Variants in SCUBE1 observed in about 807,000 individuals in gnomAD.
SCUBE1 encodes the protein signal peptide, CUB and EGF-like domain-containing protein 1.
SCUBE1 carries 59 observed loss-of-function variants against 124.4 expected under a neutral mutation model. The observed-to-expected ratio is 0.47, with a 90% CI of 0.38 to 0.59. The LOEUF is 0.59. Ranked by LOEUF, SCUBE1 falls within the 20% of genes least tolerant of loss-of-function variation. The pLI, the probability that SCUBE1 is intolerant of heterozygous loss-of-function variation, is 0.00. For synonymous variants in SCUBE1, 545 were observed against 550.9 expected (o/e 0.99, Z 0.15); for missense variants, 1,150 against 1,371.2 (o/e 0.84, Z 2.55).
At chr22:43,249,714 C>T (rs576807242) in intron 6 of SCUBE1, among the ~76,000 whole-genome samples, 1 of 152,334 alleles carries the variant, frequency 6.6e-6, no homozygotes, top group African/African-American at 2.4e-5. Flanking sequence ...GCTGTAGCCC[C>T]GTGAGCTGCA....
At chr22:43,301,167 C>G (rs937923016) in intron 3 of SCUBE1, among the ~76,000 whole-genome samples, 3 of 152,150 alleles carry the variant, frequency 2.0e-5, no homozygotes, top group Non-Finnish European at 1.5e-5. Flanking sequence ...AAATTCACCA[C>G]GAGTACAACA....
intron 6 of SCUBE1, among the ~76,000 whole-genome samples, chr22:43,251,806 T>C (rs898345992): frequency 6.6e-6 from 1 of 152,182 alleles, no homozygotes; most frequent in Non-Finnish European, 1.5e-5. Context: ...TGCGGGAATC[T>C]GTTAGCAGCA....
chr22:43,342,358 G>T (rs1401923984), intron 1 of SCUBE1, among the ~76,000 whole-genome samples: 2 of 151,882 alleles, frequency 1.3e-5, no homozygotes, highest in African/African-American at 4.8e-5. Flanking sequence ...TCCCGCGTCC[G>T]GACTCTCCTC....
intron 4 of SCUBE1, among the ~76,000 whole-genome samples, chr22:43,288,039 G>C (rs1925212683): frequency 6.6e-6 from 1 of 152,200 alleles, no homozygotes; most frequent in Non-Finnish European, 1.5e-5. Context: ...CTTGTCGTTC[G>C]AGAGCAATCT....
chr22:43,324,711 T>C (rs2146789655), intron 2 of SCUBE1, among the ~76,000 whole-genome samples: 1 of 151,602 alleles, frequency 6.6e-6, no homozygotes, highest in Admixed American at 6.6e-5. Flanking sequence ...CTCATCAGGC[T>C]CAGACCACTT....
intron 13 of SCUBE1, among the ~76,000 whole-genome samples, 163 bp from the exon 14 acceptor site, chr22:43,220,750 G>C (rs1922054929): frequency 6.6e-6 from 1 of 152,336 alleles, no homozygotes; most frequent in South Asian, 2.1e-4. Context: ...GGTCTCAGGA[G>C]GGGCTGGTGG....
In SCUBE1 at chr22:43,211,154, C is replaced by T; in HGVS notation, c.2222-71G>A. 6.8e-7 allele frequency: 1 copy of T among 1,477,056 alleles called. No homozygotes were observed. The highest frequency in any genetic ancestry group is 2.3e-4 in the Middle Eastern group (1 of 4,344). 91.5% of individuals were successfully genotyped at this position (1,477,056 alleles called of 1,614,324 possible). A position where few individuals can be genotyped will look rare whatever the true frequency, so the allele number is the denominator to read the frequency against. On this transcript the variant is annotated intron_variant, in intron 17 of 21. Transcript: ENST00000360835. The surrounding 1 kb of genome is among the most constrained non-coding windows in gnomAD (Gnocchi z 4.5). ...GGAAAGGGCAGCACTGGGGTGCTGT[C>T]CCCAGGACCTCTCATGCCCTCGAGG...
At chr22:43,225,299 G>C (rs1922258991) in intron 10 of SCUBE1, among the ~76,000 whole-genome samples, 1 of 152,028 alleles carries the variant, frequency 6.6e-6, no homozygotes, top group Non-Finnish European at 1.5e-5. Context: ...GCCACGTCTA[G>C]AGCTATGCTG....
At chr22:43,294,157 C>T (rs562156888) in intron 3 of SCUBE1, among the ~76,000 whole-genome samples, 1 of 152,354 alleles carries the variant, frequency 6.6e-6, no homozygotes, top group South Asian at 2.1e-4. Flanking sequence ...GAGGGGGCTG[C>T]CCCTCTGCAC....
intron 2 of SCUBE1, among the ~76,000 whole-genome samples, chr22:43,330,390 T>C (rs1271401350): frequency 2.0e-5 from 3 of 152,236 alleles, no homozygotes; most frequent in Non-Finnish European, 4.4e-5. Flanking sequence ...GAAGCCCTCC[T>C]GAATTTCTTC....
intron 5 of SCUBE1, among the ~76,000 whole-genome samples, chr22:43,261,697 T>C (rs76368069): frequency 0.028 from 4,223 of 152,320 alleles, 120 homozygotes; most frequent in East Asian, 0.14. Context: ...GACCACCTTC[T>C]CTATTGGGAG....
intron 19 of SCUBE1, among the ~76,000 whole-genome samples, chr22:43,209,524 C>T (rs944947102): frequency 6.6e-5 from 10 of 152,210 alleles, no homozygotes; most frequent in Non-Finnish European, 1.2e-4. Flanking sequence ...CCTAAAGTCT[C>T]AAGAGGAGCC....
At chr22:43,244,082 G>A (rs891823146) in intron 6 of SCUBE1, among the ~76,000 whole-genome samples, 1 of 152,162 alleles carries the variant, frequency 6.6e-6, no homozygotes, top group African/African-American at 2.4e-5. Flanking sequence ...ACAGTTTATG[G>A]AGTGGCGGGG....
rs1925340598 is a variant in SCUBE1, at chr22:43,291,075, T to C, written c.455A>G (p.Asn152Ser). 1.9e-6 allele frequency: 3 copies of C among 1,612,728 alleles called. No homozygotes were observed. Among genetic ancestry groups the C allele is most frequent in the Non-Finnish European group, 2.5e-6 (3 of 1,179,212 alleles). ...GGAGCGGTGGATGCAGGTATGCTGG[T>C]TGTCACTAAGGAAGAAGCCACTGTG... ...QCHSGFFLSD[N>S]QHTCIHRSNE... Residue 152 changes from asparagine (N) to serine (S), a missense_variant, in exon 4 of 22, where the codon AAC becomes AGC. Transcript: ENST00000360835.
At chr22:43,341,091 A>ACACACACACATGCATGCACGTGTG (rs1250146352) in intron 1 of SCUBE1, among the ~76,000 whole-genome samples, 21 of 152,098 alleles carry the variant, frequency 1.4e-4, no homozygotes, top group African/African-American at 4.8e-4. Context: ...GCACACACAC[A>ACACACACACATGCATGCACGTGTG]CACACACACA....
At chr22:43,204,266 C>T in intron 21 of SCUBE1, 117 bp from the exon 22 acceptor site, 1 of 812,224 alleles carries the variant, frequency 1.2e-6, no homozygotes, top group East Asian at 2.5e-5. Context: ...CAGGACCCCA[C>T]AGACCTTCTT....
intron 16 of SCUBE1, 44 bp downstream of exon 16, chr22:43,214,046 C>CGGGGGGCGGGGGGGG: frequency 2.4e-6 from 1 of 422,702 alleles, no homozygotes; most frequent in Non-Finnish European, 4.1e-6. Flanking sequence ...GAGGAGCCCC[C>CGGGGGGCGGGGGGGG]GCCCACCCCC....
intron 3 of SCUBE1, among the ~76,000 whole-genome samples, chr22:43,299,999 A>G (rs186601732): frequency 1.3e-5 from 2 of 152,364 alleles, no homozygotes; most frequent in East Asian, 3.9e-4. Context: ...TTGCATGGAC[A>G]GACCACATTT....
At chr22:43,248,458 C>T (rs1923307020) in intron 6 of SCUBE1, among the ~76,000 whole-genome samples, 1 of 152,242 alleles carries the variant, frequency 6.6e-6, no homozygotes, top group Admixed American at 6.5e-5. Flanking sequence ...TCGCCATCAC[C>T]TACTTCCCCC....
Sources: allele counts gnomAD v4.1 joint callset (sites outside exome capture counted in the v4.1 genomes callset), GRCh38; gene constraint gnomAD v4.1.1; non-coding constraint Gnocchi (gnomAD v3.1); transcripts MANE v1.5; gene names NCBI Gene and HGNC (gene_info 2026-07-23, HGNC 2026-07-21).